The following NBAS variants were observed in gnomAD, a reference collection of about 807,000 sequenced individuals.
NBAS encodes the protein NAG/BC035112 fusion.
NBAS carries 219 observed loss-of-function variants against 302.5 expected under a neutral mutation model. The observed-to-expected ratio is 0.72, with a 90% confidence interval of 0.65 to 0.81. The LOEUF is 0.81. Among genes scored for constraint, NBAS ranks in the 30% least tolerant of loss-of-function variants. The probability of loss-of-function intolerance (pLI) is 0.00; values close to 1 mark genes in which losing one functional copy is unlikely to be tolerated. For missense variants in NBAS, 2,932 were observed against 2,841.6 expected, an observed-to-expected ratio of 1.03 and a Z score of -0.72; for synonymous variants, 1,118 against 1,021.6, an observed-to-expected ratio of 1.09 and a Z score of -1.80.
the NBAS span, among the ~76,000 whole-genome samples, chr2:15,132,864 T>TA: frequency 0.4 from 59,206 of 146,404 alleles, 14,339 homozygotes; most frequent in Non-Finnish European, 0.55. Flanking sequence ...ACAAACACAC[T>TA]AAAAAAAAAA....
chr2:14,979,245 T>C, the NBAS span, among the ~76,000 whole-genome samples: 87 of 152,338 alleles, frequency 5.7e-4, no homozygotes, highest in African/African-American at 2.0e-3. Flanking sequence ...AGAAGATTTA[T>C]AGGAAAGATA....
chr2:15,308,671 C>T (rs943167797), intron 39 of NBAS, among the ~76,000 whole-genome samples: 1 of 152,166 alleles, frequency 6.6e-6, no homozygotes, highest in African/African-American at 2.4e-5. Flanking sequence ...TGCCTAATTG[C>T]CCTGGCCAGA....
At position 15,312,827 on chromosome 2, in the gene NBAS, C is replaced by T. The variant is rs1671340562; in HGVS notation, c.4583-3580G>A. Among the ~76,000 whole-genome samples the T allele has an allele frequency of 2.0e-5, 3 of 152,214 alleles. No individual in the cohort carries two copies. In the South Asian group the frequency reaches 6.2e-4, roughly 32 times the overall value. On this transcript the variant is annotated intron_variant, in intron 38 of 51. Coordinates refer to ENST00000281513, the MANE Select transcript of NBAS (RefSeq NM_015909.4). ...TCTCCTCTGCTGCCAGCACTTGGTT[C>T]CTCGTCAAATCCAACTGAATAATTT...
chr2:15,413,155 A>G (rs2148453977), intron 25 of NBAS, among the ~76,000 whole-genome samples: 1 of 152,324 alleles, frequency 6.6e-6, no homozygotes, highest in Non-Finnish European at 1.5e-5. Context: ...TATGTCTTGA[A>G]TTGCAGTCCT....
intron 7 of NBAS, among the ~76,000 whole-genome samples, chr2:15,539,021 C>T (rs1020026682): frequency 2.6e-5 from 4 of 152,180 alleles, no homozygotes; most frequent in African/African-American, 7.2e-5. Flanking sequence ...ACGTGGTTTA[C>T]ATCTGGATAG....
At chr2:15,543,653 GAAACCCCCGAT>G (rs1307841853) in intron 6 of NBAS, among the ~76,000 whole-genome samples, 2 of 152,168 alleles carry the variant, frequency 1.3e-5, no homozygotes, top group African/African-American at 2.4e-5. Context: ...TGCAAAAGCA[GAAACCCCCGAT>G]AAAACCATCA....
chr2:15,195,862 G>A (rs761731440), intron 48 of NBAS, among the ~76,000 whole-genome samples: 11 of 152,158 alleles, frequency 7.2e-5, no homozygotes, highest in Non-Finnish European at 1.5e-4. Flanking sequence ...GTGAGCATGC[G>A]TACAACTCTA....
intron 16 of NBAS, among the ~76,000 whole-genome samples, chr2:15,471,909 T>C (rs545670713): frequency 6.6e-6 from 1 of 152,158 alleles, no homozygotes; most frequent in Non-Finnish European, 1.5e-5. Context: ...CCTCTAGAAC[T>C]AAGAGAAATA....
chr2:15,337,467 A>G (rs544644834), intron 35 of NBAS, among the ~76,000 whole-genome samples: 1 of 152,288 alleles, frequency 6.6e-6, no homozygotes, highest in African/African-American at 2.4e-5. Flanking sequence ...AAAAAGTTAA[A>G]AAATAAAAAT....
the NBAS span, among the ~76,000 whole-genome samples, chr2:14,877,180 A>G: frequency 6.6e-6 from 1 of 152,158 alleles, no homozygotes; most frequent in African/African-American, 2.4e-5. Context: ...TCTACTTCAC[A>G]TAGTGTGGCC....
the NBAS span, among the ~76,000 whole-genome samples, chr2:14,927,707 C>T: frequency 2.6e-5 from 4 of 152,172 alleles, no homozygotes; most frequent in Non-Finnish European, 5.9e-5. Flanking sequence ...ACATCTTTGC[C>T]AACACTTATT....
At chr2:15,500,105 G>A (rs73915318) in intron 11 of NBAS, among the ~76,000 whole-genome samples, 1 of 151,918 alleles carries the variant, frequency 6.6e-6, no homozygotes, top group African/African-American at 2.4e-5. Context: ...TCCAAGACAG[G>A]GTTTTTAAGA....
intron 44 of NBAS, among the ~76,000 whole-genome samples, chr2:15,272,376 G>T (rs184389915): frequency 1.1e-4 from 16 of 152,196 alleles, no homozygotes; most frequent in African/African-American, 3.6e-4. Context: ...GGGAACATCT[G>T]GTGTTTTGCA....
chr2:14,825,085 T>C, the NBAS span, among the ~76,000 whole-genome samples: 1 of 152,208 alleles, frequency 6.6e-6, no homozygotes, highest in East Asian at 1.9e-4. Context: ...ATTTGGCATC[T>C]GGAAAAGATG....
intron 35 of NBAS, among the ~76,000 whole-genome samples, chr2:15,343,082 T>C (rs1672930032): frequency 6.6e-6 from 1 of 151,986 alleles, no homozygotes; most frequent in African/African-American, 2.4e-5. Flanking sequence ...AGAAGAACCA[T>C]GAATCAAAAG....
chr2:15,418,021 C>T (rs375844353), intron 23 of NBAS, among the ~76,000 whole-genome samples: 1 of 152,068 alleles, frequency 6.6e-6, no homozygotes, highest in South Asian at 2.1e-4. Flanking sequence ...ATTCTTACAA[C>T]ATTATATTTA....
intron 35 of NBAS, among the ~76,000 whole-genome samples, chr2:15,344,029 A>C (rs1195152361): frequency 6.6e-6 from 1 of 151,628 alleles, no homozygotes; most frequent in Non-Finnish European, 1.5e-5. Flanking sequence ...AAAACCTCTT[A>C]CAGCTCAATA....
chr2:14,877,432 T>C, the NBAS span, among the ~76,000 whole-genome samples: 2 of 152,212 alleles, frequency 1.3e-5, no homozygotes, highest in African/African-American at 4.8e-5. Context: ...TTATCAGACC[T>C]AGCATTTCTA....
intron 38 of NBAS, among the ~76,000 whole-genome samples, chr2:15,319,745 C>T (rs1261316264): frequency 2.0e-5 from 3 of 152,096 alleles, no homozygotes; most frequent in African/African-American, 7.2e-5. Context: ...GAAATTGAGG[C>T]AATAATTAAC....
Sources: gnomAD v4.1 joint callset for allele counts (sites outside exome capture counted in the v4.1 genomes callset) on GRCh38, gnomAD v4.1.1 for gene constraint, MANE v1.5 for transcripts, NCBI Gene and HGNC (gene_info 2026-07-23, HGNC 2026-07-21) for gene names.